XKR9: variants seen among roughly 807,000 people sequenced by gnomAD.
XKR9 encodes the protein XK-related protein 9.
XKR9 carries 32 observed loss-of-function variants against 32.0 expected under a neutral mutation model. The ratio of observed to expected loss-of-function variants is 1.00; its 90% CI spans 0.76 to 1.34. XKR9 has a LOEUF of 1.34. Among genes scored for constraint, XKR9 ranks in the 40% most tolerant of loss-of-function variants. The pLI, the probability that XKR9 is intolerant of heterozygous loss-of-function variation, is 0.00. For synonymous variants in XKR9, 168 were observed against 143.4 expected, an observed-to-expected ratio of 1.17 and a Z score of -1.22; for missense variants, 546 against 429.7, an observed-to-expected ratio of 1.27 and a Z score of -2.39.
intron 3 of XKR9, among the ~76,000 whole-genome samples, chr8:70,703,926 T>A (rs1284644908): frequency 6.6e-6 from 1 of 152,186 alleles, no homozygotes; most frequent in Non-Finnish European, 1.5e-5. Flanking sequence ...CTCACGCCTG[T>A]AATCCCAGCA....
intron 2 of XKR9, among the ~76,000 whole-genome samples, chr8:70,773,257 G>T (rs1191177791): frequency 6.6e-6 from 1 of 152,162 alleles, no homozygotes; most frequent in Non-Finnish European, 1.5e-5. Context: ...TTATTATTTG[G>T]CATGTTTACA....
At chr8:70,849,311 T>C in the XKR9 span, among the ~76,000 whole-genome samples, 1 of 152,136 alleles carries the variant, frequency 6.6e-6, no homozygotes, top group Non-Finnish European at 1.5e-5. Context: ...ATTAAGAAAC[T>C]CACTCAAAAC....
At chr8:70,806,426 T>A in the XKR9 span, among the ~76,000 whole-genome samples, 1 of 152,086 alleles carries the variant, frequency 6.6e-6, no homozygotes, top group African/African-American at 2.4e-5. Context: ...GATGGACAAA[T>A]AGACAGAAGT....
At chr8:70,717,877 A>C (rs1806144729) in intron 4 of XKR9, among the ~76,000 whole-genome samples, 1 of 152,140 alleles carries the variant, frequency 6.6e-6, no homozygotes, top group Non-Finnish European at 1.5e-5. Context: ...TTTGCTGCTT[A>C]GAAATTTCTT....
the XKR9 span, among the ~76,000 whole-genome samples, chr8:70,961,101 C>T: frequency 1.8e-4 from 28 of 152,150 alleles, no homozygotes; most frequent in Non-Finnish European, 2.2e-4. Context: ...ACCTGGGAGG[C>T]GGAGGTTGTA....
the XKR9 span, among the ~76,000 whole-genome samples, chr8:70,893,542 G>A: frequency 2.0e-5 from 3 of 152,136 alleles, no homozygotes; most frequent in African/African-American, 4.8e-5. Flanking sequence ...CAGTTGGGAA[G>A]GTTATGGTGG....
At chr8:70,906,169 C>T in the XKR9 span, among the ~76,000 whole-genome samples, 8 of 152,198 alleles carry the variant, frequency 5.3e-5, no homozygotes, top group Non-Finnish European at 1.0e-4. Flanking sequence ...CAGACAGGGG[C>T]GTTTAAGTCT....
At chr8:70,780,596 G>T (rs976748577) in intron 2 of XKR9, among the ~76,000 whole-genome samples, 1 of 152,056 alleles carries the variant, frequency 6.6e-6, no homozygotes, top group African/African-American at 2.4e-5. Context: ...AAGAGGCAAG[G>T]AAGAATTCTT....
At chr8:70,673,692 G>A (rs558406147) in intron 1 of XKR9, among the ~76,000 whole-genome samples, 231 of 152,136 alleles carry the variant, frequency 1.5e-3, no homozygotes, top group African/African-American at 5.3e-3. Context: ...TTGAACCCAG[G>A]AGGCGGAGGT....
intron 3 of XKR9, among the ~76,000 whole-genome samples, chr8:70,700,776 C>G (rs1490618262): frequency 6.6e-6 from 1 of 152,204 alleles, no homozygotes; most frequent in East Asian, 1.9e-4. Flanking sequence ...TGTCTGTGCC[C>G]TGCCTCCAGA....
chr8:70,767,282 T>C (rs967350012), intron 2 of XKR9, among the ~76,000 whole-genome samples: 1 of 152,148 alleles, frequency 6.6e-6, no homozygotes, highest in African/African-American at 2.4e-5. Context: ...TCAGAACTTG[T>C]TATTGGTTTA....
chr8:70,851,849 A>C, the XKR9 span, among the ~76,000 whole-genome samples: 1 of 152,222 alleles, frequency 6.6e-6, no homozygotes, highest in East Asian at 1.9e-4. Context: ...AACCTAGGCT[A>C]TACCATTCAG....
the XKR9 span, among the ~76,000 whole-genome samples, chr8:70,799,362 AC>A: frequency 6.6e-6 from 1 of 152,060 alleles, no homozygotes; most frequent in African/African-American, 2.4e-5. Context: ...ACGGAGTCTC[AC>A]TCTGTAGCCC....
intron 2 of XKR9, among the ~76,000 whole-genome samples, chr8:70,775,275 T>C (rs1045562316): frequency 6.6e-6 from 1 of 152,122 alleles, no homozygotes; most frequent in Non-Finnish European, 1.5e-5. Context: ...ATTAAGACAA[T>C]TTTGGCTCTT....
At chr8:70,691,618 A>G (rs757763640) in intron 3 of XKR9, among the ~76,000 whole-genome samples, 1 of 152,102 alleles carries the variant, frequency 6.6e-6, no homozygotes, top group Admixed American at 6.6e-5. Context: ...TCCAACTTCA[A>G]TCTTCTGTAT....
chr8:71,049,678 A>C, the XKR9 span, among the ~76,000 whole-genome samples: 1 of 152,198 alleles, frequency 6.6e-6, no homozygotes, highest in East Asian at 1.9e-4. Flanking sequence ...GAAAGTGTAG[A>C]CAAGTTGGAC....
the XKR9 span, among the ~76,000 whole-genome samples, chr8:70,839,750 A>G: frequency 6.6e-6 from 1 of 152,202 alleles, no homozygotes; most frequent in South Asian, 2.1e-4. Context: ...AAATAATAGC[A>G]TATACTCTGG....
the XKR9 span, among the ~76,000 whole-genome samples, chr8:71,053,050 G>T: frequency 1.3e-5 from 2 of 152,184 alleles, no homozygotes; most frequent in Non-Finnish European, 2.9e-5. Context: ...AATCACAAAG[G>T]TATAGGTAAG....
the XKR9 span, among the ~76,000 whole-genome samples, chr8:71,013,139 A>AAAAACGAGCAGAAG: frequency 6.6e-6 from 1 of 152,176 alleles, no homozygotes; most frequent in African/African-American, 2.4e-5. Context: ...GCTCGTTTCG[A>AAAAACGAGCAGAAG]AAAACGAGCA....
Sources: gnomAD v4.1 joint callset for allele counts (sites outside exome capture counted in the v4.1 genomes callset) on GRCh38, gnomAD v4.1.1 for gene constraint, MANE v1.5 for transcripts, NCBI Gene and HGNC (gene_info 2026-07-23, HGNC 2026-07-21) for gene names.